The following SAMM50 variants were observed in gnomAD, a reference collection of about 807,000 sequenced individuals.
The protein encoded by SAMM50 is SAMM50 sorting and assembly machinery component.
In SAMM50, 47 loss-of-function variants were observed where a neutral mutation model predicts 66.9. The ratio of observed to expected loss-of-function variants is 0.70; its 90% CI spans 0.56 to 0.90. The LOEUF (loss-of-function observed/expected upper bound fraction) is 0.90, where lower values mean the gene tolerates loss of function less well. Among genes scored for constraint, SAMM50 ranks in the 40% least tolerant of loss-of-function variants. SAMM50 has a pLI of 0.00. For synonymous variants in SAMM50, 191 were observed against 214.1 expected, an observed-to-expected ratio of 0.89 and a Z score of 0.94; for missense variants, 535 against 595.3, an observed-to-expected ratio of 0.90 and a Z score of 1.05.
rs185506559 is a variant in SAMM50 at position 43,955,966 on chromosome 22, A to G, written c.21+368A>G. ...CCTTTCCCCGCTCAGCCGCTGCTGG[A>G]GCCATTGTAGGCTCCTAGAGCAACA... On this transcript the variant is annotated intron_variant, in intron 1 of 14. Coordinates refer to ENST00000350028, the MANE Select transcript of SAMM50 (RefSeq NM_015380.5). Among the ~76,000 whole-genome samples, 439 of 152,288 alleles carry G rather than the reference A, an allele frequency of 2.9e-3. 2 individuals are homozygous for G. The highest frequency in any genetic ancestry group is 0.01 in the African/African-American group (428 of 41,556).
intron 14 of SAMM50, among the ~76,000 whole-genome samples, chr22:43,993,745 C>T (rs1317792924): frequency 6.6e-6 from 1 of 152,124 alleles, no homozygotes; most frequent in Non-Finnish European, 1.5e-5. Context: ...AGTGAGGTTG[C>T]CAGATTTAAT....
intron 11 of SAMM50, among the ~76,000 whole-genome samples, chr22:43,981,984 A>T (rs1237672165): frequency 6.6e-6 from 1 of 152,136 alleles, no homozygotes; most frequent in African/African-American, 2.4e-5. Context: ...TCAAAGTAAA[A>T]CTCATAGTAT....
rs1944732103 is a variant in SAMM50 at position 43,990,501 on chromosome 22, C to G, written c.1364+95C>G. On this transcript the variant is annotated intron_variant, in intron 14 of 14. Coordinates refer to ENST00000350028, the MANE Select transcript of SAMM50 (RefSeq NM_015380.5). ...GTTAATTTCATTAGTGGCTTTTAAG[C>G]TTGAAGATTTTAAGAGAATTAAATA... 2.4e-6 allele frequency: 3 copies of G among 1,233,136 alleles called. 1 individual carries two copies. In the South Asian group the frequency reaches 4.1e-5, roughly 17 times the overall value. The allele number at this position is 1,233,136 out of a possible 1,614,324, so 76.4% of individuals were successfully genotyped here.
intron 11 of SAMM50, among the ~76,000 whole-genome samples, chr22:43,982,925 C>G (rs532301904): frequency 6.6e-6 from 1 of 152,164 alleles, no homozygotes; most frequent in East Asian, 1.9e-4. Context: ...CGCGAGCTAC[C>G]GCACGTGGCC....
intron 1 of SAMM50, among the ~76,000 whole-genome samples, chr22:43,960,424 A>G: frequency 6.6e-6 from 1 of 152,116 alleles, no homozygotes; most frequent in Non-Finnish European, 1.5e-5. Context: ...CCGAGGTGCC[A>G]GGGCAGATAA....
In SAMM50 at chr22:43,955,481, C is replaced by T. The variant is rs577313724; in HGVS notation, c.-97C>T. ...GGGGGTTTGTGGGAGTTGCCTTGAC[C>T]TGCAGCTCCGCCACCGCGGACCCGC... is the stretch of plus-strand genomic sequence containing the variant. On this transcript the variant is annotated 5_prime_UTR_variant, in exon 1 of 15. Coordinates refer to ENST00000350028, the MANE Select transcript of SAMM50 (RefSeq NM_015380.5). The T allele has an allele frequency of 2.8e-6, 4 of 1,424,692 alleles. No homozygotes were observed. The highest frequency in any genetic ancestry group is 1.4e-5 in the African/African-American group (1 of 70,824). The allele number at this position is 1,424,692 out of a possible 1,614,324, so 88.3% of individuals were successfully genotyped here.
chr22:43,963,771 T>C (rs12168138), intron 2 of SAMM50, among the ~76,000 whole-genome samples: 9,306 of 152,302 alleles, frequency 0.061, 296 homozygotes, highest in Middle Eastern at 0.082. Flanking sequence ...AATTTGAATA[T>C]GCTTTTCCAG....
At chr22:43,957,886 A>G (rs1250094871) in intron 1 of SAMM50, among the ~76,000 whole-genome samples, 1 of 152,098 alleles carries the variant, frequency 6.6e-6, no homozygotes, top group African/African-American at 2.4e-5. Flanking sequence ...AGCCTCCTGA[A>G]TAGCTGGGAC....
rs1252362347 is a variant in SAMM50 at position 43,989,170 on chromosome 22, C to T, written c.1135C>T (p.Pro379Ser). 3 of 1,614,188 alleles carry T rather than the reference C, an allele frequency of 1.9e-6. No individual in the cohort carries two copies. Among genetic ancestry groups the T allele is most frequent in the Non-Finnish European group, 2.5e-6 (3 of 1,180,036 alleles). Residue 379 changes from proline (P) to serine (S), a missense_variant, in exon 13 of 15, where the codon CCT (proline) becomes TCT (serine). Pro to Ser is a moderately conservative substitution (Grantham distance 74). Coordinates refer to ENST00000350028, the MANE Select transcript of SAMM50 (RefSeq NM_015380.5). The stretch of plus-strand genomic sequence containing the variant: ...CGGCCTGCACCTCTACACCCCATTA[C>T]CTTTCCGGCCAGGCCAGGGTGGCTT... ...AGGLHLYTPLPFRPGQGGFGE... is the reference protein window; with the variant it reads ...AGGLHLYTPLSFRPGQGGFGE...
intron 1 of SAMM50, chr22:43,957,289 C>G: frequency 1.5e-6 from 1 of 658,400 alleles, no homozygotes; most frequent in Non-Finnish European, 2.8e-6. Flanking sequence ...CTGAAGCAAT[C>G]TTCCTGCTAA....
At position 43,996,392 on chromosome 22, in the gene SAMM50, C is replaced by T. The variant is rs769024084; in HGVS notation, c.*9C>T. On this transcript the variant is annotated 3_prime_UTR_variant, in exon 15 of 15. Coordinates refer to ENST00000350028, the MANE Select transcript of SAMM50 (RefSeq NM_015380.5). ...GGATAAGGTTCCTGTAGCCGACACC[C>T]CTACAGGAGAAGCTCTGGGACTGGG... The T allele has an allele frequency of 1.9e-6, 3 of 1,613,400 alleles. No individual in the cohort carries two copies. Among genetic ancestry groups the T allele is most frequent in the Admixed American group, 3.3e-5 (2 of 60,016 alleles).
intron 11 of SAMM50, among the ~76,000 whole-genome samples, chr22:43,981,748 CACTT>C (rs1447464640): frequency 1.3e-5 from 2 of 152,176 alleles, no homozygotes; most frequent in Middle Eastern, 3.2e-3. Context: ...AATGGAGAAA[CACTT>C]AAAGAAATTA....
Position 43,957,189 on chromosome 22 carries a change from G to T in SAMM50, c.21+1591G>T, listed in dbSNP as rs982320429. 6.3e-5 allele frequency: 44 copies of T among 694,898 alleles called. 1 individual carries two copies. Among genetic ancestry groups the T allele is most frequent in the South Asian group, 2.4e-4 (15 of 62,186 alleles). 43.0% of individuals were successfully genotyped at this position (694,898 alleles called of 1,614,324 possible). A position where few individuals can be genotyped will look rare whatever the true frequency, so the allele number is the denominator to read the frequency against. ...TATACAAAGCAAAGAACAACATAGT[G>T]ACTCCTGGCGGCAAATCAAACAAAG... is the stretch of plus-strand genomic sequence containing the variant. On this transcript the variant is annotated intron_variant, in intron 1 of 14. Transcript: ENST00000350028.
At chr22:43,988,562 G>A (rs917237547) in intron 12 of SAMM50, 3 of 152,330 alleles carry the variant, frequency 2.0e-5, no homozygotes, top group East Asian at 1.9e-4. Flanking sequence ...AAATCCAAGC[G>A]GTCATGAACC....
rs1397479882 is a variant in SAMM50, at chr22:43,964,442, T to C, written c.133-10T>C. ...TGTCATCCCTAATACTGTCCCTGTGTGACTTTTAGGTGGTTGTTCAACATG... is the reference window on the plus strand; with the variant it reads ...TGTCATCCCTAATACTGTCCCTGTGCGACTTTTAGGTGGTTGTTCAACATG... On this transcript the variant is annotated splice_polypyrimidine_tract_variant and intron_variant, in intron 2 of 14. Coordinates refer to ENST00000350028, the MANE Select transcript of SAMM50 (RefSeq NM_015380.5). 6 of 1,504,224 alleles carry C rather than the reference T, an allele frequency of 4.0e-6. No homozygotes were observed. Among genetic ancestry groups the C allele is most frequent in the Non-Finnish European group, 5.6e-6 (6 of 1,080,266 alleles). The allele number at this position is 1,504,224 out of a possible 1,614,324, so 93.2% of individuals were successfully genotyped here. A position where few individuals can be genotyped will look rare whatever the true frequency, so the allele number is the denominator to read the frequency against.
intron 14 of SAMM50, among the ~76,000 whole-genome samples, chr22:43,993,272 A>G (rs1451494580): frequency 1.3e-5 from 2 of 152,238 alleles, no homozygotes; most frequent in African/African-American, 4.8e-5. Context: ...GCCACTGTGC[A>G]CGTCTCGGGC....
intron 3 of SAMM50, among the ~76,000 whole-genome samples, chr22:43,965,563 T>C (rs973818059): frequency 2.0e-5 from 3 of 152,120 alleles, no homozygotes. Context: ...GAAGGAAGCA[T>C]AGAAAATCAA....
intron 1 of SAMM50, chr22:43,963,007 C>T (rs748622104): frequency 1.7e-5 from 3 of 173,348 alleles, no homozygotes; most frequent in East Asian, 1.7e-4. Flanking sequence ...GCTGGGATTA[C>T]AGGCATGAGC....
intron 7 of SAMM50, chr22:43,975,358 G>A (rs2050225821): frequency 6.6e-6 from 1 of 152,326 alleles, no homozygotes; most frequent in African/African-American, 2.4e-5. Flanking sequence ...CACCCCCTGG[G>A]GAGTATGGGG....
Sources: allele counts gnomAD v4.1 joint callset (sites outside exome capture counted in the v4.1 genomes callset), GRCh38; gene constraint gnomAD v4.1.1; transcripts MANE v1.5; gene names NCBI Gene and HGNC (gene_info 2026-07-23, HGNC 2026-07-21).